The following SRC variants were observed in gnomAD, a reference collection of about 807,000 sequenced individuals.
SRC encodes the protein proto-oncogene tyrosine-protein kinase Src.
SRC carries 13 observed loss-of-function variants against 62.9 expected under a neutral mutation model. That is an observed-to-expected ratio of 0.21 (90% CI 0.13 to 0.33). The LOEUF is 0.33. SRC is among the 10% of genes least tolerant of loss of function. SRC has a pLI of 1.00. For synonymous variants in SRC, 302 were observed against 317.5 expected, an observed-to-expected ratio of 0.95 and a Z score of 0.52; for missense variants, 457 against 737.3, an observed-to-expected ratio of 0.62 and a Z score of 4.40.
Position 37,397,892 on chromosome 20 carries a change from C to T in SRC, c.859+38C>T, listed in dbSNP as rs1489167477. ...CCCTGCCCTCGGGAGAGGCATCCACCCCCCACCCCGTGTGGCAGCTCCGGG... is the reference window on the plus strand; with the variant it reads ...CCCTGCCCTCGGGAGAGGCATCCACTCCCCACCCCGTGTGGCAGCTCCGGG... On this transcript the variant is annotated intron_variant, in intron 9 of 13. Transcript: ENST00000373578. The surrounding 1 kb of genome is among the most constrained non-coding windows in gnomAD (Gnocchi z 4.1). The T allele has an allele frequency of 1.9e-6, 3 of 1,580,646 alleles. No individual in the cohort carries two copies. Among genetic ancestry groups the T allele is most frequent in the African/African-American group, 2.7e-5 (2 of 74,158 alleles).
upstream of SRC, chr20:37,344,909 G>A (rs73297336): frequency 7.2e-3 from 1,104 of 152,702 alleles, 18 homozygotes; most frequent in African/African-American, 0.025. Context: ...GGGCTGGGAA[G>A]CTGATCGACT....
At chr20:37,362,019 G>C (rs2069981924) in intron 1 of SRC, among the ~76,000 whole-genome samples, 1 of 151,968 alleles carries the variant, frequency 6.6e-6, no homozygotes, top group African/African-American at 2.4e-5. Flanking sequence ...CTGTGTGCAG[G>C]CAGAGATGCT....
At chr20:37,367,469 T>C (rs2070081776) in intron 2 of SRC, among the ~76,000 whole-genome samples, 1 of 152,072 alleles carries the variant, frequency 6.6e-6, no homozygotes, top group African/African-American at 2.4e-5. Context: ...TGGAGGAATG[T>C]CTATTCAAGT....
intron 5 of SRC, among the ~76,000 whole-genome samples, chr20:37,391,583 G>A (rs2070549683): frequency 6.6e-6 from 1 of 152,316 alleles, no homozygotes; most frequent in African/African-American, 2.4e-5. Context: ...GCCAGGCGCG[G>A]TGGCTCACTC....
At chr20:37,372,341 T>A (rs1056414383) in intron 2 of SRC, among the ~76,000 whole-genome samples, 7 of 152,166 alleles carry the variant, frequency 4.6e-5, no homozygotes, top group Admixed American at 2.6e-4. Flanking sequence ...CCCTTTAAGT[T>A]CTCTTTTACC....
chr20:37,394,381 A>G, intron 7 of SRC, 104 bp downstream of exon 7: 1 of 998,218 alleles, frequency 1.0e-6, no homozygotes, highest in South Asian at 1.4e-5. Flanking sequence ...TAGGGAGGGA[A>G]GAACCTTCCG....
At chr20:37,401,139 G>A (rs559219880) in intron 10 of SRC, among the ~76,000 whole-genome samples, 2 of 152,192 alleles carry the variant, frequency 1.3e-5, no homozygotes, top group East Asian at 3.9e-4. Flanking sequence ...TGGGACTACA[G>A]GTGCACAACA....
At position 37,403,915 on chromosome 20, in the gene SRC, G is replaced by C. The variant is rs1167727328; in HGVS notation, c.*536G>C. On this transcript the variant is annotated 3_prime_UTR_variant, in exon 14 of 14. Transcript: ENST00000373578. The surrounding 1 kb of genome is among the most constrained non-coding windows in gnomAD (Gnocchi z 7.1). ...GACAGACCCTCTGCCGCTGCTTCCA[G>C]GCTGGGCAGCACAAGGCCTTGCCTG... is the stretch of plus-strand genomic sequence containing the variant. 8.2e-6 allele frequency: 2 copies of C among 244,506 alleles called. No homozygotes were observed. Among genetic ancestry groups the C allele is most frequent in the Non-Finnish European group, 1.6e-5 (2 of 123,384 alleles). The allele number at this position is 244,506 out of a possible 1,614,324, so 15.1% of individuals were successfully genotyped here. A position where few individuals can be genotyped will look rare whatever the true frequency, so the allele number is the denominator to read the frequency against.
At chr20:37,363,789 G>A (rs2070016433) in intron 1 of SRC, among the ~76,000 whole-genome samples, 1 of 152,204 alleles carries the variant, frequency 6.6e-6, no homozygotes, top group Non-Finnish European at 1.5e-5. Flanking sequence ...GGCCGTCCCG[G>A]TTAGGGAGAC....
chr20:37,368,064 T>A (rs2070092922), intron 2 of SRC, among the ~76,000 whole-genome samples: 1 of 152,210 alleles, frequency 6.6e-6, no homozygotes, highest in Non-Finnish European at 1.5e-5. Flanking sequence ...AGTTTTTAAT[T>A]GTGATGAAGT....
intron 1 of SRC, among the ~76,000 whole-genome samples, chr20:37,359,748 C>T (rs899185032): frequency 3.9e-5 from 6 of 152,138 alleles, no homozygotes; most frequent in East Asian, 3.9e-4. Flanking sequence ...TGGGGTCACA[C>T]GAGGGTCCTG....
intron 2 of SRC, among the ~76,000 whole-genome samples, chr20:37,373,436 CGCATATATACGCATATATGCATATAT>C (rs1568628782): frequency 1.8e-3 from 167 of 95,050 alleles, no homozygotes; most frequent in African/African-American, 0.014. Flanking sequence ...CGTGTATATA[CGCATATATACGCATATATGCATATAT>C]ACACACACAC....
chr20:37,373,163 CATATAT>C (rs2070202452), intron 2 of SRC, among the ~76,000 whole-genome samples: 2 of 151,228 alleles, frequency 1.3e-5, no homozygotes, highest in African/African-American at 4.9e-5. Flanking sequence ...CACATACACA[CATATAT>C]GTACACACAT....
chr20:37,372,125 GTAGCTGGGAC>G (rs1246092509), intron 2 of SRC, among the ~76,000 whole-genome samples: 1 of 152,136 alleles, frequency 6.6e-6, no homozygotes, highest in Non-Finnish European at 1.5e-5. Context: ...AGCCTCCCGA[GTAGCTGGGAC>G]TACCGGCAGG....
chr20:37,397,196 C>G lies in SRC; in HGVS notation c.704-503C>G, dbSNP rs1033277807. On this transcript the variant is annotated intron_variant, in intron 8 of 13. Transcript: ENST00000373578. The surrounding 1 kb of genome is among the most constrained non-coding windows in gnomAD (Gnocchi z 4.1). ...CCGCTTCTCCAGCCCTGCAGCTGTTCTTTCCTCAGAGCCTTTGCTCTGGCT... is the reference window on the plus strand; with the variant it reads ...CCGCTTCTCCAGCCCTGCAGCTGTTGTTTCCTCAGAGCCTTTGCTCTGGCT... Among the ~76,000 whole-genome samples, 2 of 152,208 alleles carry G rather than the reference C, an allele frequency of 1.3e-5. No individual in the cohort carries two copies. The highest frequency in any genetic ancestry group is 4.8e-5 in the African/African-American group (2 of 41,454).
chr20:37,362,766 C>T (rs2069995860), intron 1 of SRC, among the ~76,000 whole-genome samples: 1 of 152,148 alleles, frequency 6.6e-6, no homozygotes, highest in Non-Finnish European at 1.5e-5. Context: ...CCTAACCCCT[C>T]CAACTCACCA....
chr20:37,386,118 G>A lies in SRC; in HGVS notation c.294G>A (p.Arg98=), dbSNP rs778675662. 14 of 1,614,096 alleles carry A rather than the reference G, an allele frequency of 8.7e-6. No individual in the cohort carries two copies. The East Asian group carries it at 2.5e-4, about 28-fold the overall frequency. Residue 98 remains arginine, a synonymous_variant, in exon 5 of 14, where the codon AGG becomes AGA. Coordinates refer to ENST00000373578, the MANE Select transcript of SRC (RefSeq NM_198291.3). Reference sequence around the variant, plus strand: ...TGGCCCTCTATGACTATGAGTCTAGGACGGAGACAGACCTGTCCTTCAAGA... The same window carrying A: ...TGGCCCTCTATGACTATGAGTCTAGAACGGAGACAGACCTGTCCTTCAAGA... ...TFVALYDYES[R]TETDLSFKKG...
chr20:37,399,816 G>A (rs767237862), intron 9 of SRC, among the ~76,000 whole-genome samples: 4 of 152,318 alleles, frequency 2.6e-5, no homozygotes, highest in Middle Eastern at 3.4e-3. Context: ...AAAGTGCTGG[G>A]ATTACAGGCG....
intron 1 of SRC, among the ~76,000 whole-genome samples, chr20:37,352,837 C>G (rs1312345472): frequency 1.3e-5 from 2 of 152,210 alleles, no homozygotes; most frequent in Non-Finnish European, 2.9e-5. Context: ...GCCCCTGCAG[C>G]TCCCACTGCC....
Sources: allele counts gnomAD v4.1 joint callset (sites outside exome capture counted in the v4.1 genomes callset), GRCh38; gene constraint gnomAD v4.1.1; non-coding constraint Gnocchi (gnomAD v3.1); transcripts MANE v1.5; gene names NCBI Gene and HGNC (gene_info 2026-07-23, HGNC 2026-07-21).